LYPLAL1: variants seen among roughly 807,000 people sequenced by gnomAD.
LYPLAL1 encodes the protein lysophospholipase-like protein 1.
LYPLAL1 carries 23 observed loss-of-function variants against 19.7 expected under a neutral mutation model. The ratio of observed to expected loss-of-function variants is 1.17; its 90% CI spans 0.84 to 1.65. The LOEUF is 1.65. Among genes scored for constraint, LYPLAL1 ranks in the 40% most tolerant of loss-of-function variants. The probability of loss-of-function intolerance (pLI) is 0.00; values close to 1 mark genes in which losing one functional copy is unlikely to be tolerated. For synonymous variants in LYPLAL1, 119 were observed against 96.3 expected, an observed-to-expected ratio of 1.24 and a Z score of -1.38; for missense variants, 355 against 279.4, an observed-to-expected ratio of 1.27 and a Z score of -1.93.
downstream of LYPLAL1, among the ~76,000 whole-genome samples, chr1:219,215,503 C>G (rs1202322048): frequency 6.6e-6 from 1 of 152,036 alleles, no homozygotes; most frequent in Non-Finnish European, 1.5e-5. Context: ...CTTTCCCCAG[C>G]CTGAGGGTGT....
rs1403090821 is a variant in LYPLAL1, at chr1:219,193,217, A to T, written c.327A>T (p.Val109=). 3 of 1,610,426 alleles carry T rather than the reference A, an allele frequency of 1.9e-6. No homozygotes were observed. The highest frequency in any genetic ancestry group is 2.5e-6 in the Non-Finnish European group (3 of 1,177,634). Residue 109 remains valine (V), a synonymous_variant, in exon 3 of 5, where the codon GTA becomes GTT. Transcript: ENST00000366928. The part of the protein sequence containing the change: ...QVLTDLIDEE[V]KSGIKKNRIL... ...TTACTGATTTGATTGATGAAGAAGT[A>T]AAAAGTGGCATCAAGAAGAACAGGA...
chr1:219,301,304 A>C, the LYPLAL1 span, among the ~76,000 whole-genome samples: 57 of 152,340 alleles, frequency 3.7e-4, no homozygotes, highest in African/African-American at 1.3e-3. Context: ...GAAAACAGGT[A>C]CAAAAAGACG....
the LYPLAL1 span, among the ~76,000 whole-genome samples, chr1:219,302,827 G>A: frequency 2.0e-5 from 3 of 152,008 alleles, no homozygotes; most frequent in African/African-American, 7.3e-5. Flanking sequence ...AGATCTTCTA[G>A]GTCATTCCAG....
At chr1:219,179,841 A>C (rs927365747) in intron 2 of LYPLAL1, among the ~76,000 whole-genome samples, 6 of 152,250 alleles carry the variant, frequency 3.9e-5, no homozygotes, top group African/African-American at 7.2e-5. Context: ...CTTTGTAAAT[A>C]TTAAATTAAC....
chr1:219,391,669 AAGTC>A, the LYPLAL1 span, among the ~76,000 whole-genome samples: 1 of 152,188 alleles, frequency 6.6e-6, no homozygotes, highest in Non-Finnish European at 1.5e-5. Flanking sequence ...CTGTGATAAA[AAGTC>A]AGCACAATAG....
the LYPLAL1 span, among the ~76,000 whole-genome samples, chr1:219,281,166 T>C: frequency 0.96 from 146,380 of 152,266 alleles, 70,633 homozygotes; most frequent in East Asian, 1. Flanking sequence ...TAGGATGGGC[T>C]TGGCAGTTTG....
At chr1:219,356,809 C>CTAATAT in the LYPLAL1 span, among the ~76,000 whole-genome samples, 1 of 152,158 alleles carries the variant, frequency 6.6e-6, no homozygotes, top group Non-Finnish European at 1.5e-5. Flanking sequence ...AAACTAATTA[C>CTAATAT]ATTAAAACCC....
At chr1:219,187,419 A>G (rs1181217956) in intron 2 of LYPLAL1, among the ~76,000 whole-genome samples, 1 of 151,602 alleles carries the variant, frequency 6.6e-6, no homozygotes, top group African/African-American at 2.4e-5. Context: ...TCACTGTGGT[A>G]ATTTGGACTC....
chr1:219,268,273 T>C, the LYPLAL1 span, among the ~76,000 whole-genome samples: 1 of 151,996 alleles, frequency 6.6e-6, no homozygotes, highest in Non-Finnish European at 1.5e-5. Flanking sequence ...GGGGGGATAA[T>C]GTATTAAATA....
chr1:219,260,108 G>T, the LYPLAL1 span, among the ~76,000 whole-genome samples: 1 of 151,732 alleles, frequency 6.6e-6, no homozygotes, highest in South Asian at 2.1e-4. Flanking sequence ...TTTAAAAGAA[G>T]AAAAATGAAG....
At chr1:219,377,024 T>A in the LYPLAL1 span, among the ~76,000 whole-genome samples, 1 of 152,180 alleles carries the variant, frequency 6.6e-6, no homozygotes, top group Non-Finnish European at 1.5e-5. Flanking sequence ...AAGAAATATT[T>A]GTACACCCAT....
chr1:219,237,431 C>T, the LYPLAL1 span, among the ~76,000 whole-genome samples: 1 of 152,090 alleles, frequency 6.6e-6, no homozygotes, highest in Admixed American at 6.6e-5. Context: ...CAACAGTTAC[C>T]AAAGATTTTG....
chr1:219,443,721 T>C, the LYPLAL1 span, among the ~76,000 whole-genome samples: 1 of 151,644 alleles, frequency 6.6e-6, no homozygotes, highest in South Asian at 2.1e-4. Context: ...CAAACACTTC[T>C]AATATTGAAA....
the LYPLAL1 span, chr1:219,410,001 T>A: frequency 6.6e-6 from 1 of 152,256 alleles, no homozygotes; most frequent in Admixed American, 6.5e-5. Context: ...CTCTTTCGGA[T>A]GTGAAAATTC....
At chr1:219,273,211 G>A in the LYPLAL1 span, 1 of 152,180 alleles carries the variant, frequency 6.6e-6, no homozygotes, top group East Asian at 1.9e-4. Flanking sequence ...CCTGGAAAAG[G>A]TAAACATTTT....
At chr1:219,230,249 A>T in the LYPLAL1 span, among the ~76,000 whole-genome samples, 1 of 152,146 alleles carries the variant, frequency 6.6e-6, no homozygotes, top group Admixed American at 6.5e-5. Context: ...AGCAGCTGGG[A>T]CTACAGGCGC....
chr1:219,339,909 T>TG, the LYPLAL1 span, among the ~76,000 whole-genome samples: 1 of 152,064 alleles, frequency 6.6e-6, no homozygotes, highest in Non-Finnish European at 1.5e-5. Flanking sequence ...CACCACATAT[T>TG]GGCAAGAACT....
chr1:219,296,232 G>C, the LYPLAL1 span, among the ~76,000 whole-genome samples: 1 of 152,254 alleles, frequency 6.6e-6, no homozygotes, highest in South Asian at 2.1e-4. Context: ...GTTATTTCTA[G>C]ATCCACCGAG....
chr1:219,402,301 T>C, the LYPLAL1 span, among the ~76,000 whole-genome samples: 1 of 152,192 alleles, frequency 6.6e-6, no homozygotes, highest in African/African-American at 2.4e-5. Flanking sequence ...ATAAGCTGAA[T>C]TGAGGCTCTT....
Sources: allele counts gnomAD v4.1 joint callset (sites outside exome capture counted in the v4.1 genomes callset), GRCh38; gene constraint gnomAD v4.1.1; transcripts MANE v1.5; gene names NCBI Gene and HGNC (gene_info 2026-07-23, HGNC 2026-07-21).